The following STK3 variants were observed in gnomAD, a reference collection of about 807,000 sequenced individuals.
STK3 encodes serine/threonine kinase 3.
In STK3, 41 loss-of-function variants were observed where a neutral mutation model predicts 58.0. The ratio of observed to expected loss-of-function variants is 0.71; its 90% CI spans 0.55 to 0.92. The LOEUF (loss-of-function observed/expected upper bound fraction) is 0.92, where lower values mean the gene tolerates loss of function less well. Among genes scored for constraint, STK3 ranks in the 40% least tolerant of loss-of-function variants. The pLI is 0.00. For synonymous variants in STK3, 170 were observed against 191.0 expected (o/e 0.89, Z 0.91); for missense variants, 479 against 602.7 (o/e 0.79, Z 2.15).
At position 98,548,096 on chromosome 8, in the gene STK3, C is replaced by T; in HGVS notation, c.1014G>A (p.Arg338=). 6.2e-7 allele frequency: 1 copy of T among 1,608,470 alleles called. No individual in the cohort carries two copies. Among genetic ancestry groups the T allele is most frequent in the Non-Finnish European group, 8.5e-7 (1 of 1,177,608 alleles). The part of the protein sequence containing the change: ...KTSVESVGTM[R]ATSTMSEGAQ... ...CCCCTTCACTCATCGTGCTTGTGGCCCGCATGGTGCCCACACTCTCCACAC... is the reference window on the plus strand; with the variant it reads ...CCCCTTCACTCATCGTGCTTGTGGCTCGCATGGTGCCCACACTCTCCACAC... The change falls in exon 9 of 11, where the codon CGG becomes CGA. Residue 338 remains arginine, a synonymous_variant. Coordinates refer to ENST00000419617, the MANE Select transcript of STK3 (RefSeq NM_006281.4).
intron 1 of STK3, among the ~76,000 whole-genome samples, chr8:98,825,112 T>C (rs891558957): frequency 3.3e-5 from 5 of 152,212 alleles, no homozygotes; most frequent in Non-Finnish European, 7.3e-5. Flanking sequence ...TAATTTAAAC[T>C]TCCCACTGTC....
intron 3 of STK3, among the ~76,000 whole-genome samples, chr8:98,763,274 C>T (rs1261117766): frequency 6.6e-6 from 1 of 152,186 alleles, no homozygotes; most frequent in Non-Finnish European, 1.5e-5. Flanking sequence ...GTACCTGGTA[C>T]TGAACTAGGC....
intron 9 of STK3, among the ~76,000 whole-genome samples, chr8:98,547,711 G>A (rs1810818257): frequency 6.6e-6 from 1 of 152,074 alleles, no homozygotes; most frequent in Non-Finnish European, 1.5e-5. Flanking sequence ...AAAATACTTT[G>A]CAAATTAAGC....
chr8:98,604,511 C>T (rs1170419792), intron 6 of STK3, among the ~76,000 whole-genome samples: 1 of 152,192 alleles, frequency 6.6e-6, no homozygotes, highest in African/African-American at 2.4e-5. Flanking sequence ...CCAGGCAGTA[C>T]TCCAGTGAAG....
At chr8:98,514,585 A>G (rs1013383683) in intron 10 of STK3, among the ~76,000 whole-genome samples, 2 of 150,288 alleles carry the variant, frequency 1.3e-5, no homozygotes, top group Admixed American at 1.3e-4. Flanking sequence ...GTAAATTCTC[A>G]GGTGACAGCT....
At chr8:98,738,793 C>T (rs1828877603) in intron 4 of STK3, among the ~76,000 whole-genome samples, 1 of 152,250 alleles carries the variant, frequency 6.6e-6, no homozygotes, top group Non-Finnish European at 1.5e-5. Context: ...GAGGCATTGC[C>T]TCACTCGGGA....
At chr8:98,695,000 T>A (rs944130312) in intron 6 of STK3, among the ~76,000 whole-genome samples, 2 of 152,306 alleles carry the variant, frequency 1.3e-5, no homozygotes, top group African/African-American at 4.8e-5. Context: ...CTCCACATCC[T>A]CTCCAGCACC....
chr8:98,535,792 G>C (rs1313517176), intron 9 of STK3, among the ~76,000 whole-genome samples: 2 of 152,120 alleles, frequency 1.3e-5, no homozygotes, highest in Admixed American at 6.6e-5. Flanking sequence ...TAAAATCTCA[G>C]AAGTTGCTTT....
At chr8:98,822,545 T>C (rs1049020438) in intron 1 of STK3, among the ~76,000 whole-genome samples, 2 of 152,346 alleles carry the variant, frequency 1.3e-5, no homozygotes, top group African/African-American at 4.8e-5. Flanking sequence ...TAATCAAATG[T>C]ATATCACATT....
intron 10 of STK3, among the ~76,000 whole-genome samples, chr8:98,491,189 G>GAGAGAC (rs1554601934): frequency 9.4e-4 from 143 of 151,550 alleles, no homozygotes; most frequent in African/African-American, 3.2e-3. Context: ...GAGAGAGAGA[G>GAGAGAC]AGAGAGAGAG....
At chr8:98,661,808 G>A (rs1487746378) in intron 6 of STK3, among the ~76,000 whole-genome samples, 1 of 151,896 alleles carries the variant, frequency 6.6e-6, no homozygotes, top group African/African-American at 2.4e-5. Flanking sequence ...TACCTTCTCT[G>A]ATTAGAAAAA....
chr8:98,738,473 C>A (rs1563946505), intron 4 of STK3, among the ~76,000 whole-genome samples: 1 of 151,494 alleles, frequency 6.6e-6, no homozygotes, highest in Admixed American at 6.6e-5. Context: ...AACTCCGACT[C>A]AAAATAAAAT....
chr8:98,397,085 G>C (rs1400263009), downstream of STK3, among the ~76,000 whole-genome samples: 1 of 152,222 alleles, frequency 6.6e-6, no homozygotes, highest in African/African-American at 2.4e-5. Flanking sequence ...TAACCAGAGT[G>C]CAACAGAATC....
chr8:98,871,057 C>T (rs1220986880), intron 3 of STK3, among the ~76,000 whole-genome samples: 2 of 152,206 alleles, frequency 1.3e-5, no homozygotes, highest in Non-Finnish European at 1.5e-5. Flanking sequence ...CAGCTTTCTA[C>T]ATATGGCTAG....
At chr8:98,513,530 T>A (rs1824690166) in intron 10 of STK3, among the ~76,000 whole-genome samples, 1 of 152,206 alleles carries the variant, frequency 6.6e-6, no homozygotes, top group South Asian at 2.1e-4. Flanking sequence ...TGTTCATAGA[T>A]GACCTGGCAT....
downstream of STK3, among the ~76,000 whole-genome samples, chr8:98,367,817 C>G (rs1817578949): frequency 6.6e-6 from 1 of 152,230 alleles, no homozygotes. Flanking sequence ...AAATCCAGCA[C>G]CAGCATGCAG....
At chr8:98,509,060 T>C (rs1432536192) in intron 10 of STK3, among the ~76,000 whole-genome samples, 1 of 151,918 alleles carries the variant, frequency 6.6e-6, no homozygotes. Flanking sequence ...CCAACCATCT[T>C]TTTTTTTCAT....
At chr8:98,563,432 C>T (rs1812221982) in intron 8 of STK3, among the ~76,000 whole-genome samples, 1 of 152,078 alleles carries the variant, frequency 6.6e-6, no homozygotes, top group Non-Finnish European at 1.5e-5. Flanking sequence ...CACGTGCCTA[C>T]ATATATAGTT....
chr8:98,563,198 C>T (rs553809433), intron 8 of STK3, among the ~76,000 whole-genome samples: 91 of 152,178 alleles, frequency 6.0e-4, no homozygotes, highest in African/African-American at 2.2e-3. Flanking sequence ...ATGTTTTCCA[C>T]ATGGGTTAAG....
Sources: allele counts gnomAD v4.1 joint callset (sites outside exome capture counted in the v4.1 genomes callset), GRCh38; gene constraint gnomAD v4.1.1; transcripts MANE v1.5; gene names NCBI Gene and HGNC (gene_info 2026-07-23, HGNC 2026-07-21).